TSKS: variants seen among roughly 807,000 people sequenced by gnomAD.
TSKS encodes the protein testis specific serine kinase substrate, also known as testis-specific serine kinase substrate.
TSKS carries 27 observed loss-of-function variants against 68.0 expected under a neutral mutation model. The ratio of observed to expected loss-of-function variants is 0.40; its 90% CI spans 0.29 to 0.55. The LOEUF (loss-of-function observed/expected upper bound fraction) is 0.55. TSKS is among the 20% of genes least tolerant of loss of function. The probability of loss-of-function intolerance (pLI) is 0.53; values close to 1 mark genes in which losing one functional copy is unlikely to be tolerated. For missense variants in TSKS, 806 were observed against 776.0 expected, an observed-to-expected ratio of 1.04 and a Z score of -0.46; for synonymous variants, 331 against 340.4, an observed-to-expected ratio of 0.97 and a Z score of 0.30.
chr19:49,744,078 AG>A (rs1489067040), intron 8 of TSKS, among the ~76,000 whole-genome samples, 152 bp downstream of exon 8: 1 of 152,200 alleles, frequency 6.6e-6, no homozygotes, highest in Non-Finnish European at 1.5e-5. Flanking sequence ...TGAGGCTTCT[AG>A]TGCAGCAGGA....
At chr19:49,757,796 G>C (rs903736597) in intron 2 of TSKS, among the ~76,000 whole-genome samples, 10 of 148,388 alleles carry the variant, frequency 6.7e-5, no homozygotes, top group Non-Finnish European at 1.5e-4. Context: ...CTGGTCTTCT[G>C]TCTCACCCTG....
At chr19:49,744,105 A>G (rs2084275582) in intron 8 of TSKS, 126 bp downstream of exon 8, 9 of 964,178 alleles carry the variant, frequency 9.3e-6, no homozygotes, top group Non-Finnish European at 1.3e-5. Flanking sequence ...TGTTTCTACA[A>G]TGCACTGGGA....
chr19:49,740,094 G>A lies in TSKS; in HGVS notation c.1587C>T (p.Ala529=), dbSNP rs147433034. 129 of 1,614,164 alleles carry A rather than the reference G, an allele frequency of 8.0e-5. 1 individual carries two copies. The African/African-American group carries it at 1.3e-3, about 16-fold the overall frequency. ...LRLAQDEALR[A]KNLLLTDKMK... is the part of the protein sequence containing the mutation. ...TCTTGTCTGTCAGCAGTAGGTTCTT[G>A]GCCCGCAGGGCCTCGTCTTGGGCCA... The change falls in exon 10 of 11, where the codon GCC becomes GCT. Residue 529 remains alanine (A), a synonymous_variant. Coordinates refer to ENST00000246801, the MANE Select transcript of TSKS (RefSeq NM_021733.2).
intron 5 of TSKS, 34 bp from the exon 6 acceptor site, chr19:49,746,832 C>T: frequency 6.3e-7 from 1 of 1,583,700 alleles, no homozygotes; most frequent in Non-Finnish European, 8.5e-7. Context: ...TCACAGCGTC[C>T]AGCCGCTTTC....
intron 2 of TSKS, among the ~76,000 whole-genome samples, chr19:49,752,370 CA>C (rs1328992973): frequency 8.6e-6 from 1 of 115,900 alleles, no homozygotes; most frequent in Admixed American, 1.0e-4. Flanking sequence ...GGCAACAGAG[CA>C]AAACTCCATC....
chr19:49,748,201 G>A, intron 3 of TSKS, 33 bp from the exon 4 acceptor site: 1 of 1,607,364 alleles, frequency 6.2e-7, no homozygotes, highest in South Asian at 1.1e-5. Context: ...GTTAGCCAAG[G>A]ACACGAGGGG....
chr19:49,741,880 G>A lies in TSKS; in HGVS notation c.1497+5C>T. The A allele has an allele frequency of 6.2e-7, 1 of 1,614,136 alleles. No individual in the cohort carries two copies. Among genetic ancestry groups the A allele is most frequent in the Non-Finnish European group, 8.5e-7 (1 of 1,180,032 alleles). On this transcript the variant is annotated splice_donor_5th_base_variant and intron_variant, in intron 9 of 10. Transcript: ENST00000246801. ...TGGGACATGGTGGCCCATATTCCCT[G>A]GTACCAGAATCTTCTTGTGTAGCCT...
rs201510262 is a variant in TSKS at position 49,746,776 on chromosome 19, T to C, written c.686A>G (p.Gln229Arg). 2 of 1,600,308 alleles carry C rather than the reference T, an allele frequency of 1.2e-6. No individual in the cohort carries two copies. Among genetic ancestry groups the C allele is most frequent in the East Asian group, 2.2e-5 (1 of 44,872 alleles). ...LLEEKLRYLQ[Q>R]QLQDETPRRQ... ...TCGCGGCGTCTCATCCTGCAGCTGC[T>C]GCTGGAGGTAGCGCAGCTTCTCCTG... The change falls in exon 6 of 11, where the codon CAG (glutamine) becomes CGG (arginine). Residue 229 changes from glutamine (Q) to arginine (R), a missense_variant. Gln to Arg is a conservative substitution (Grantham distance 43). Coordinates refer to ENST00000246801, the MANE Select transcript of TSKS (RefSeq NM_021733.2).
At chr19:49,747,606 C>G (rs1362358819) in intron 4 of TSKS, 134 bp from the exon 5 acceptor site, 2 of 862,820 alleles carry the variant, frequency 2.3e-6, no homozygotes, top group Non-Finnish European at 3.7e-6. Flanking sequence ...AGCTCATTTC[C>G]TTGGCTAAGG....
intron 6 of TSKS, among the ~76,000 whole-genome samples, chr19:49,746,060 G>A (rs1042365650): frequency 6.6e-6 from 1 of 152,176 alleles, no homozygotes; most frequent in Non-Finnish European, 1.5e-5. Context: ...GCGGGCGCCT[G>A]TAGTCCCAGC....
At chr19:49,755,863 C>T (rs550111187) in intron 2 of TSKS, among the ~76,000 whole-genome samples, 6 of 151,594 alleles carry the variant, frequency 4.0e-5, no homozygotes, top group East Asian at 1.9e-4. Context: ...TAGCCTGGCG[C>T]GGTGGTAGGC....
intron 4 of TSKS, among the ~76,000 whole-genome samples, chr19:49,747,799 C>T (rs2084315149): frequency 6.6e-6 from 1 of 152,182 alleles, no homozygotes; most frequent in Non-Finnish European, 1.5e-5. Context: ...ACTTCCACCT[C>T]GTGGATTCAA....
At chr19:49,744,436 G>C in intron 7 of TSKS, 32 bp from the exon 8 acceptor site, 1 of 1,601,016 alleles carries the variant, frequency 6.2e-7, no homozygotes, top group Non-Finnish European at 8.5e-7. Flanking sequence ...CTGCTGGGTC[G>C]TCTCTTCAGC....
At chr19:49,749,604 T>C (rs144472602) in intron 2 of TSKS, among the ~76,000 whole-genome samples, 1 of 152,022 alleles carries the variant, frequency 6.6e-6, no homozygotes, top group East Asian at 1.9e-4. Context: ...GTGGAAATAA[T>C]GTAGTCAATT....
At chr19:49,740,309 T>A (rs2084241836) in intron 9 of TSKS, 126 bp from the exon 10 acceptor site, 2 of 1,228,372 alleles carry the variant, frequency 1.6e-6, no homozygotes, top group East Asian at 5.1e-5. Flanking sequence ...GAGTTTCCCA[T>A]CATGCCTTGA....
At chr19:49,760,913 A>G (rs2084434925) in intron 2 of TSKS, among the ~76,000 whole-genome samples, 1 of 151,608 alleles carries the variant, frequency 6.6e-6, no homozygotes, top group South Asian at 2.1e-4. Context: ...ACATGGAGAA[A>G]CCCTGTTTCT....
chr19:49,761,992 G>A lies in TSKS; in HGVS notation c.399+12C>T. The A allele has an allele frequency of 6.2e-7, 1 of 1,605,858 alleles. No homozygotes were observed. Among genetic ancestry groups the A allele is most frequent in the Non-Finnish European group, 8.5e-7 (1 of 1,173,766 alleles). On this transcript the variant is annotated intron_variant, in intron 2 of 10. Coordinates refer to ENST00000246801, the MANE Select transcript of TSKS (RefSeq NM_021733.2). ...TCGGTCCTCCCCAGCGGGTGGTGTG[G>A]AGGGCCCTCACCAGGATTTCCGTGA...
intron 8 of TSKS, among the ~76,000 whole-genome samples, chr19:49,742,496 CTTTT>C (rs978089309): frequency 9.9e-6 from 1 of 101,216 alleles, no homozygotes; most frequent in African/African-American, 4.2e-5. Flanking sequence ...GGGCCCGGCC[CTTTT>C]TTTTTTTTTT....
rs1326010295 is a variant in TSKS, at chr19:49,744,477, T to C, written c.1188-73A>G. The stretch of plus-strand genomic sequence containing the variant: ...AACCCTGGCAAGACTCCACCCATTA[T>C]TAGCCCACCACTTGCGTCTCCATCT... On this transcript the variant is annotated intron_variant, in intron 7 of 10. Coordinates refer to ENST00000246801, the MANE Select transcript of TSKS (RefSeq NM_021733.2). 5.3e-6 allele frequency: 8 copies of C among 1,504,254 alleles called. No individual in the cohort carries two copies. In the African/African-American group the frequency reaches 9.6e-5, roughly 18 times the overall value. 93.2% of individuals were successfully genotyped at this position (1,504,254 alleles called of 1,614,324 possible). A position where few individuals can be genotyped will look rare whatever the true frequency, so the allele number is the denominator to read the frequency against.
Sources: gnomAD v4.1 joint callset for allele counts (sites outside exome capture counted in the v4.1 genomes callset) on GRCh38, gnomAD v4.1.1 for gene constraint, MANE v1.5 for transcripts, NCBI Gene and HGNC (gene_info 2026-07-23, HGNC 2026-07-21) for gene names.